Variants in TMEM131L observed in about 807,000 individuals in gnomAD.
TMEM131L encodes transmembrane 131 like.
A neutral mutation model predicts 192.2 loss-of-function variants in TMEM131L; 54 were observed. The ratio of observed to expected loss-of-function variants is 0.28; its 90% CI spans 0.23 to 0.35. The LOEUF (loss-of-function observed/expected upper bound fraction) is 0.35, where lower values mean the gene tolerates loss of function less well. Among genes scored for constraint, TMEM131L ranks in the 10% least tolerant of loss-of-function variants. TMEM131L has a pLI of 1.00. For missense variants in TMEM131L, 1,888 were observed against 1,972.9 expected (o/e 0.96, Z 0.82); for synonymous variants, 701 against 704.9 (o/e 0.99, Z 0.09).
intron 7 of TMEM131L, among the ~76,000 whole-genome samples, chr4:153,576,120 C>T (rs1022689908): frequency 2.0e-5 from 3 of 152,058 alleles, no homozygotes; most frequent in African/African-American, 4.8e-5. Context: ...CCACCATGCC[C>T]GGCTGATTTT....
At chr4:153,566,785 C>T (rs895734523) in intron 7 of TMEM131L, among the ~76,000 whole-genome samples, 1 of 152,222 alleles carries the variant, frequency 6.6e-6, no homozygotes, top group Non-Finnish European at 1.5e-5. Context: ...GAGATTTTCT[C>T]CCCTGCCATG....
At chr4:153,612,647 C>T (rs1006475502) in intron 26 of TMEM131L, among the ~76,000 whole-genome samples, 1 of 152,050 alleles carries the variant, frequency 6.6e-6, no homozygotes, top group Admixed American at 6.6e-5. Flanking sequence ...TGGGTCATTC[C>T]TAGGTAATGA....
At chr4:153,510,326 C>T (rs1252405913) in intron 3 of TMEM131L, among the ~76,000 whole-genome samples, 2 of 152,018 alleles carry the variant, frequency 1.3e-5, no homozygotes, top group Non-Finnish European at 2.9e-5. Flanking sequence ...AATTAATTGC[C>T]GATTCTTAGA....
intron 7 of TMEM131L, among the ~76,000 whole-genome samples, chr4:153,576,687 A>C (rs570880178): frequency 3.3e-5 from 5 of 152,284 alleles, no homozygotes; most frequent in African/African-American, 9.6e-5. Context: ...AAAAAAAAAA[A>C]AAAACTTATA....
At chr4:153,538,751 T>G (rs1317146187) in intron 3 of TMEM131L, among the ~76,000 whole-genome samples, 1 of 152,212 alleles carries the variant, frequency 6.6e-6, no homozygotes, top group Non-Finnish European at 1.5e-5. Flanking sequence ...AGCTTACATC[T>G]TAAGAGAGTG....
rs79554726 is a variant in TMEM131L at position 153,528,008 on chromosome 4, C to T, written c.240-22065C>T. 3.3e-5 allele frequency among the ~76,000 whole-genome samples: 5 copies of T among 152,300 alleles called. No individual in the cohort carries two copies. The East Asian group carries it at 9.6e-4, about 29-fold the overall frequency. The stretch of plus-strand genomic sequence containing the variant: ...TTGTGCAGCCATACCATTAACTGAG[C>T]AGGTTCTTTTCCTCACCGTCTGGTC... On this transcript the variant is annotated intron_variant, in intron 3 of 34. Coordinates refer to ENST00000409959, the MANE Select transcript of TMEM131L (RefSeq NM_001131007.2).
chr4:153,491,217 G>A (rs1732758595), intron 3 of TMEM131L, among the ~76,000 whole-genome samples: 1 of 152,140 alleles, frequency 6.6e-6, no homozygotes, highest in Non-Finnish European at 1.5e-5. Context: ...GGAAACTGGT[G>A]AAGGAAAGAC....
intron 3 of TMEM131L, among the ~76,000 whole-genome samples, chr4:153,488,877 C>T (rs1732558714): frequency 6.6e-6 from 1 of 152,142 alleles, no homozygotes; most frequent in Admixed American, 6.5e-5. Context: ...GGTTTCTTGG[C>T]TTGCAGCTGC....
intron 3 of TMEM131L, among the ~76,000 whole-genome samples, chr4:153,539,030 C>T (rs745796244): frequency 1.2e-4 from 18 of 152,220 alleles, no homozygotes; most frequent in African/African-American, 2.9e-4. Flanking sequence ...TGAAAGAAGA[C>T]GAGAAGGGGG....
chr4:153,583,485 T>G, intron 10 of TMEM131L, 79 bp from the exon 11 acceptor site: 1 of 1,002,480 alleles, frequency 1.0e-6, no homozygotes, highest in Non-Finnish European at 1.6e-6. Flanking sequence ...TCTGTGCTAT[T>G]TATTCTAACG....
intron 3 of TMEM131L, among the ~76,000 whole-genome samples, chr4:153,512,587 C>T (rs1734428057): frequency 6.6e-6 from 1 of 152,150 alleles, no homozygotes; most frequent in Non-Finnish European, 1.5e-5. Flanking sequence ...TTTCTTCATG[C>T]CATTCCTGAC....
intron 3 of TMEM131L, among the ~76,000 whole-genome samples, chr4:153,478,339 C>G (rs1561113970): frequency 6.6e-6 from 1 of 152,140 alleles, no homozygotes; most frequent in Non-Finnish European, 1.5e-5. Flanking sequence ...TTACCTTCTA[C>G]CTTCTTAATT....
intron 3 of TMEM131L, among the ~76,000 whole-genome samples, chr4:153,501,700 C>T (rs924178957): frequency 6.6e-5 from 10 of 152,036 alleles, no homozygotes; most frequent in Non-Finnish European, 1.3e-4. Context: ...GACAGAAAAC[C>T]CAGTAACATA....
rs750988725 is a variant in TMEM131L, at chr4:153,585,595, C to A, written c.1295C>A (p.Thr432Asn). The A allele has an allele frequency of 6.2e-7, 1 of 1,613,126 alleles. No homozygotes were observed. Among genetic ancestry groups the A allele is most frequent in the South Asian group, 1.1e-5 (1 of 90,926 alleles). Residue 432 changes from threonine (T) to asparagine (N), a missense_variant, in exon 13 of 35, where the codon ACC becomes AAC. By Grantham distance (65) the Thr-to-Asn change is moderately conservative. Transcript: ENST00000409959. Reference protein sequence around the residue: ...VLNDVFLSKETKHMLKILNFT... With the variant: ...VLNDVFLSKENKHMLKILNFT... Reference sequence around the variant, plus strand: ...AATGATGTGTTTCTTTCCAAGGAGACCAAGCACATGTTAAAGGTACATATA... The same window carrying A: ...AATGATGTGTTTCTTTCCAAGGAGAACAAGCACATGTTAAAGGTACATATA...
In TMEM131L at chr4:153,626,217, C is replaced by T. The variant is rs750141337; in HGVS notation, c.4116C>T (p.Cys1372=). Residue 1372 remains cysteine, a synonymous_variant, in exon 30 of 35, where the codon TGC becomes TGT. Coordinates refer to ENST00000409959, the MANE Select transcript of TMEM131L (RefSeq NM_001131007.2). ...CCTTGAATCTTTCTCATAACATCTG[C>T]AATCCCATGTAAGTTTTTTATTTTC... ...PISLNLSHNI[C]NPMTVNSLPQ... is the part of the protein sequence containing the mutation. 6.2e-7 allele frequency: 1 copy of T among 1,602,520 alleles called. No homozygotes were observed. Among genetic ancestry groups the T allele is most frequent in the Non-Finnish European group, 8.5e-7 (1 of 1,169,944 alleles).
intron 3 of TMEM131L, among the ~76,000 whole-genome samples, chr4:153,546,698 C>T (rs913633765): frequency 1.3e-5 from 2 of 152,164 alleles, no homozygotes; most frequent in South Asian, 2.1e-4. Flanking sequence ...GAGGCCGAGG[C>T]GGGCAGATCA....
At chr4:153,540,441 G>A (rs1736691009) in intron 3 of TMEM131L, among the ~76,000 whole-genome samples, 1 of 152,136 alleles carries the variant, frequency 6.6e-6, no homozygotes, top group Non-Finnish European at 1.5e-5. Flanking sequence ...CACGCCAGGT[G>A]ATCTCTTCCT....
At chr4:153,561,973 A>AC (rs1169882596) in intron 7 of TMEM131L, among the ~76,000 whole-genome samples, 1 of 151,804 alleles carries the variant, frequency 6.6e-6, no homozygotes, top group Admixed American at 6.6e-5. Context: ...CAAAAAAAAA[A>AC]AACCTCTTAA....
At chr4:153,567,452 C>A (rs543578808) in intron 7 of TMEM131L, among the ~76,000 whole-genome samples, 12 of 152,052 alleles carry the variant, frequency 7.9e-5, no homozygotes, top group Middle Eastern at 3.4e-3. Flanking sequence ...TTTTGTCCTA[C>A]CTCCAAGAGG....
Sources: allele counts gnomAD v4.1 joint callset (sites outside exome capture counted in the v4.1 genomes callset), GRCh38; gene constraint gnomAD v4.1.1; transcripts MANE v1.5; gene names NCBI Gene and HGNC (gene_info 2026-07-23, HGNC 2026-07-21).